The following ACADS variants were observed in gnomAD, a reference collection of about 807,000 sequenced individuals.
ACADS encodes short-chain specific acyl-CoA dehydrogenase, mitochondrial.
Under a neutral mutation model 46.8 loss-of-function variants are expected in ACADS, and 28 were observed. The observed-to-expected ratio is 0.60, with a 90% CI of 0.44 to 0.82. The LOEUF (loss-of-function observed/expected upper bound fraction) is 0.82. Among genes scored for constraint, ACADS ranks in the 40% least tolerant of loss-of-function variants. The probability of loss-of-function intolerance (pLI) is 0.00; values close to 1 mark genes in which losing one functional copy is unlikely to be tolerated. For synonymous variants in ACADS, 236 were observed against 237.7 expected, an observed-to-expected ratio of 0.99 and a Z score of 0.07; for missense variants, 528 against 578.0, an observed-to-expected ratio of 0.91 and a Z score of 0.89.
At chr12:120,726,480 C>T (rs1342669338) in intron 1 of ACADS, among the ~76,000 whole-genome samples, 1 of 152,240 alleles carries the variant, frequency 6.6e-6, no homozygotes, top group African/African-American at 2.4e-5. Context: ...GCAGCCGTGA[C>T]ACATATAGCC....
chr12:120,737,813 T>C, intron 4 of ACADS, 24 bp from the exon 5 acceptor site: 1 of 1,613,504 alleles, frequency 6.2e-7, no homozygotes, highest in Non-Finnish European at 8.5e-7. Flanking sequence ...GGGCGTGCGC[T>C]GAGCCCTGGG....
chr12:120,739,697 G>A lies in ACADS; in HGVS notation c.*249G>A, dbSNP rs628909. 9,202 of 566,390 alleles carry A rather than the reference G, an allele frequency of 0.016. 643 individuals are homozygous for A. The highest frequency in any genetic ancestry group is 0.15 in the African/African-American group (8,067 of 53,156). 35.1% of individuals were successfully genotyped at this position (566,390 alleles called of 1,614,324 possible). A position where few individuals can be genotyped will look rare whatever the true frequency, so the allele number is the denominator to read the frequency against. ...CATCTAAGTGGCCCTGGCCTCCTGG[G>A]GGCGGGGTTGTGGGGGGGCTGAGCG... On this transcript the variant is annotated 3_prime_UTR_variant, in exon 10 of 10. Transcript: ENST00000242592.
intron 8 of ACADS, 28 bp downstream of exon 8, chr12:120,738,943 C>T: frequency 6.2e-7 from 1 of 1,611,844 alleles, no homozygotes; most frequent in South Asian, 1.1e-5. Context: ...CGAGCCATGG[C>T]CCAGAATGTG....
At position 120,737,362 on chromosome 12, in the gene ACADS, T is replaced by C; in HGVS notation, c.367T>C (p.Tyr123His). Residue 123 changes from tyrosine (Y) to histidine (H), a missense_variant, in exon 4 of 10, where the codon TAC (tyrosine) becomes CAC (histidine). By Grantham distance (83) the Tyr-to-His change is moderately conservative. Coordinates refer to ENST00000242592, the MANE Select transcript of ACADS (RefSeq NM_000017.4). ...CTCCCCGCTGTCCTCCTAGTCTCTC[T>C]ACCTGGGGCCCATCTTGAAGTTTGG... Reference protein sequence around the residue: ...GVIMSVNNSLYLGPILKFGSK... With the variant: ...GVIMSVNNSLHLGPILKFGSK... 6 of 1,613,970 alleles carry C rather than the reference T, an allele frequency of 3.7e-6. No homozygotes were observed. Among genetic ancestry groups the C allele is most frequent in the Non-Finnish European group, 5.1e-6 (6 of 1,179,974 alleles).
chr12:120,738,609 T>C lies in ACADS; in HGVS notation c.872T>C (p.Val291Ala). The change falls in exon 7 of 10, where the codon GTG becomes GCG. Residue 291 changes from valine (V) to alanine (A), a missense_variant. Physicochemically the swap from Val to Ala is moderately conservative, Grantham distance 64 (BLOSUM62 0). Transcript: ENST00000242592. Reference sequence around the variant, plus strand: ...GCCCAGACCGCCCTCGATTGTGCTGTGAACTACGCTGAGAATCGCATGGCC... The same window carrying C: ...GCCCAGACCGCCCTCGATTGTGCTGCGAACTACGCTGAGAATCGCATGGCC... The part of the protein sequence containing the change: ...GIAQTALDCA[V>A]NYAENRMAFG... The C allele has an allele frequency of 6.2e-7, 1 of 1,613,336 alleles. No individual in the cohort carries two copies. Among genetic ancestry groups the C allele is most frequent in the Non-Finnish European group, 8.5e-7 (1 of 1,180,018 alleles).
chr12:120,739,606 C>T lies in ACADS; in HGVS notation c.*158C>T. The T allele has an allele frequency of 1.2e-6, 1 of 820,408 alleles. No individual in the cohort carries two copies. The highest frequency in any genetic ancestry group is 1.8e-5 in the South Asian group (1 of 56,174). 50.8% of individuals were successfully genotyped at this position (820,408 alleles called of 1,614,324 possible). The stretch of plus-strand genomic sequence containing the variant: ...AGATCAGATCACATGGGAATGAGGC[C>T]CTCCGACCATTGGCAGCTCCGCCTC... On this transcript the variant is annotated 3_prime_UTR_variant, in exon 10 of 10. Coordinates refer to ENST00000242592, the MANE Select transcript of ACADS (RefSeq NM_000017.4).
intron 2 of ACADS, among the ~76,000 whole-genome samples, chr12:120,734,591 C>T (rs1883366386): frequency 6.6e-6 from 1 of 152,048 alleles, no homozygotes; most frequent in Non-Finnish European, 1.5e-5. Context: ...CCTAGGTGCC[C>T]CCTCTTTTCC....
rs757982567 is a variant in ACADS at position 120,728,202 on chromosome 12, G to A, written c.210+1013G>A. Among the ~76,000 whole-genome samples the A allele has an allele frequency of 5.3e-5, 8 of 151,242 alleles. No homozygotes were observed. Among genetic ancestry groups the A allele is most frequent in the African/African-American group, 1.9e-4 (8 of 41,164 alleles). ...CCTTAGGCGATCTGCCCGCCTTGGC[G>A]TCCCAAAGTGCTGGGATTACAGGCG... On this transcript the variant is annotated intron_variant, in intron 2 of 9. Transcript: ENST00000242592. This position sits in a 1 kb window ranked among gnomAD's most constrained non-coding sequence, Gnocchi z 4.0.
rs766506561 is a variant in ACADS at position 120,738,777 on chromosome 12, A to AG, written c.934-39dup. The AG allele has an allele frequency of 1.5e-5, 24 of 1,612,554 alleles. No homozygotes were observed. In the African/African-American group the frequency reaches 2.9e-4, roughly 20 times the overall value. On this transcript the variant is annotated intron_variant, in intron 7 of 9. Coordinates refer to ENST00000242592, the MANE Select transcript of ACADS (RefSeq NM_000017.4). ...CCTCCCCCTCCCTTCTGTCCCCTGG[A>AG]GGGGCAGCTGCTGACCTGTGGTGTG...
At chr12:120,736,863 G>A (rs1883456621) in intron 2 of ACADS, 123 bp from the exon 3 acceptor site, 1 of 1,272,042 alleles carries the variant, frequency 7.9e-7, no homozygotes, top group Non-Finnish European at 1.1e-6. Context: ...CTTGTGCGTG[G>A]CTGGGGTCAC....
At position 120,739,340 on chromosome 12, in the gene ACADS, G is replaced by C; in HGVS notation, c.1131G>C (p.Pro377=). The C allele has an allele frequency of 6.2e-7, 1 of 1,613,056 alleles. No homozygotes were observed. Among genetic ancestry groups the C allele is most frequent in the South Asian group, 1.1e-5 (1 of 91,078 alleles). The change falls in exon 10 of 10, where the codon CCG becomes CCC. Residue 377 remains proline, a synonymous_variant. Coordinates refer to ENST00000242592, the MANE Select transcript of ACADS (RefSeq NM_000017.4). ...GCATGGGCTACGTGACAGAGATGCC[G>C]GCAGAGCGGCACTACCGCGACGCCC... is the stretch of plus-strand genomic sequence containing the variant. The part of the protein sequence containing the change: ...LGGMGYVTEM[P]AERHYRDARI...
intron 2 of ACADS, among the ~76,000 whole-genome samples, chr12:120,735,487 T>A (rs2136946905): frequency 6.6e-6 from 1 of 151,942 alleles, no homozygotes; most frequent in South Asian, 2.1e-4. Context: ...GAACAGTCCT[T>A]TGAGGTGAGT....
At chr12:120,732,575 T>A (rs1317447956) in intron 2 of ACADS, among the ~76,000 whole-genome samples, 1 of 146,418 alleles carries the variant, frequency 6.8e-6, no homozygotes, top group Non-Finnish European at 1.5e-5. Context: ...ACTCCTCAGT[T>A]CCCAGACGGG....
chr12:120,732,233 C>T (rs1388905237), intron 2 of ACADS, among the ~76,000 whole-genome samples: 9 of 150,626 alleles, frequency 6.0e-5, no homozygotes, highest in African/African-American at 1.9e-4. Flanking sequence ...CGCCCCTCAC[C>T]TCCCGGACGG....
In ACADS at chr12:120,739,483, C is replaced by G; in HGVS notation, c.*35C>G. On this transcript the variant is annotated 3_prime_UTR_variant, in exon 10 of 10. Transcript: ENST00000242592. ...GGACTGCCCCAGGACTGCGGGAAGG[C>G]GCGGGAGCCAGGGGCCTCCACCCCA... 6.3e-7 allele frequency: 1 copy of G among 1,592,146 alleles called. No homozygotes were observed. The highest frequency in any genetic ancestry group is 8.5e-7 in the Non-Finnish European group (1 of 1,173,824).
chr12:120,734,328 C>G (rs1018773131), intron 2 of ACADS, among the ~76,000 whole-genome samples: 1 of 152,236 alleles, frequency 6.6e-6, no homozygotes, highest in Non-Finnish European at 1.5e-5. Context: ...CCCAGCTTCT[C>G]TGCCCTCTGA....
Position 120,733,236 on chromosome 12 carries a change from GGGGAGAGGGAGA to G in ACADS, c.211-3731_211-3720del, listed in dbSNP as rs377205641. 3.5e-4 allele frequency among the ~76,000 whole-genome samples: 53 copies of G among 151,724 alleles called. 1 individual carries two copies. In the South Asian group the frequency reaches 5.0e-3, roughly 14 times the overall value. ...GGAAAGAGAGGGAGAGGGAGACCGG[GGGGAGAGGGAGA>G]GGGAGAGGGAGAGGGAGAATCCTTG... is the stretch of plus-strand genomic sequence containing the variant. On this transcript the variant is annotated intron_variant, in intron 2 of 9. Coordinates refer to ENST00000242592, the MANE Select transcript of ACADS (RefSeq NM_000017.4).
In ACADS at chr12:120,737,018, C is replaced by T; in HGVS notation, c.243C>T (p.Ala81=). ...VKKMGGLGLL[A]MDVPEELGGA... ...AGATGGGCGGGCTTGGGCTTCTGGCCATGGACGTGCCCGAGGAGCTTGGCG... is the reference window on the plus strand; with the variant it reads ...AGATGGGCGGGCTTGGGCTTCTGGCTATGGACGTGCCCGAGGAGCTTGGCG... The change falls in exon 3 of 10, where the codon GCC becomes GCT. Residue 81 remains alanine (A), a synonymous_variant. Transcript: ENST00000242592. 6.2e-7 allele frequency: 1 copy of T among 1,610,790 alleles called. No individual in the cohort carries two copies. Among genetic ancestry groups the T allele is most frequent in the Non-Finnish European group, 8.5e-7 (1 of 1,178,942 alleles).
At position 120,739,702 on chromosome 12, in the gene ACADS, G is replaced by C. The variant is rs1486502123; in HGVS notation, c.*254G>C. 1.8e-6 allele frequency: 1 copy of C among 556,874 alleles called. No individual in the cohort carries two copies. The highest frequency in any genetic ancestry group is 3.1e-5 in the East Asian group (1 of 32,542). The allele number at this position is 556,874 out of a possible 1,614,324, so 34.5% of individuals were successfully genotyped here. On this transcript the variant is annotated 3_prime_UTR_variant, in exon 10 of 10. Transcript: ENST00000242592. ...AAGTGGCCCTGGCCTCCTGGGGGCG[G>C]GGTTGTGGGGGGGCTGAGCGACACT...
Sources: allele counts gnomAD v4.1 joint callset (sites outside exome capture counted in the v4.1 genomes callset), GRCh38; gene constraint gnomAD v4.1.1; non-coding constraint Gnocchi (gnomAD v3.1); transcripts MANE v1.5; gene names NCBI Gene and HGNC (gene_info 2026-07-23, HGNC 2026-07-21).